Variants in MTDH observed in about 807,000 individuals in gnomAD.
The protein encoded by MTDH is protein LYRIC.
In MTDH, 34 loss-of-function variants were observed where a neutral mutation model predicts 72.7. The ratio of observed to expected loss-of-function variants is 0.47; its 90% CI spans 0.36 to 0.62. MTDH has a LOEUF of 0.62. Ranked by LOEUF, MTDH falls within the 20% of genes least tolerant of loss-of-function variation. MTDH has a pLI of 0.00. For missense variants in MTDH, 677 were observed against 699.4 expected, an observed-to-expected ratio of 0.97 and a Z score of 0.36; for synonymous variants, 266 against 268.9, an observed-to-expected ratio of 0.99 and a Z score of 0.10.
chr8:97,675,411 A>G (rs901874290), intron 2 of MTDH, among the ~76,000 whole-genome samples: 2 of 151,830 alleles, frequency 1.3e-5, no homozygotes, highest in African/African-American at 4.8e-5. Flanking sequence ...AAATACAAAC[A>G]TTAGTTGGGT....
chr8:97,694,328 G>A (rs999749252), intron 6 of MTDH, among the ~76,000 whole-genome samples: 1 of 151,860 alleles, frequency 6.6e-6, no homozygotes, highest in African/African-American at 2.4e-5. Context: ...CTCCTGAGTA[G>A]CCTGGATTAC....
At chr8:97,714,790 A>G (rs1398332348) in intron 9 of MTDH, among the ~76,000 whole-genome samples, 2 of 152,014 alleles carry the variant, frequency 1.3e-5, no homozygotes, top group African/African-American at 4.8e-5. Flanking sequence ...GTTAGCCCAC[A>G]TAGTAATTTT....
At chr8:97,721,464 T>C (rs1008680165) in intron 10 of MTDH, among the ~76,000 whole-genome samples, 5 of 151,852 alleles carry the variant, frequency 3.3e-5, no homozygotes, top group Admixed American at 6.6e-5. Flanking sequence ...CAAATACAAC[T>C]TCAGATACCT....
intron 7 of MTDH, among the ~76,000 whole-genome samples, chr8:97,701,242 A>G (rs1177963789): frequency 1.3e-5 from 2 of 151,932 alleles, no homozygotes; most frequent in East Asian, 1.9e-4. Context: ...TGATTCCAGG[A>G]CCCCCCTCAG....
At chr8:97,658,865 C>T (rs1024603767) in intron 1 of MTDH, among the ~76,000 whole-genome samples, 7 of 152,016 alleles carry the variant, frequency 4.6e-5, no homozygotes, top group Non-Finnish European at 8.8e-5. Context: ...TATTAGAGGC[C>T]GGGTGTGGTG....
In MTDH at chr8:97,644,757, G is replaced by A. The variant is rs374497175; in HGVS notation, c.251G>A (p.Ser84Asn). Residue 84 changes from serine to asparagine, a missense_variant, in exon 1 of 12, where the codon AGC (serine) becomes AAC (asparagine). Coordinates refer to ENST00000336273, the MANE Select transcript of MTDH (RefSeq NM_178812.4). ...ACAGARKKRR[S>N]PPRKREEAAA... Reference sequence around the variant, plus strand: ...GCCGGCGCCCGCAAAAAGCGGAGGAGCCCGCCCCGCAAGCGGGAGGAGGCG... The same window carrying A: ...GCCGGCGCCCGCAAAAAGCGGAGGAACCCGCCCCGCAAGCGGGAGGAGGCG... 2 of 1,565,680 alleles carry A rather than the reference G, an allele frequency of 1.3e-6. No individual in the cohort carries two copies. The highest frequency in any genetic ancestry group is 1.2e-5 in the South Asian group (1 of 86,276).
intron 1 of MTDH, among the ~76,000 whole-genome samples, chr8:97,650,120 C>G (rs1811713668): frequency 6.6e-6 from 1 of 151,294 alleles, no homozygotes; most frequent in Non-Finnish European, 1.5e-5. Context: ...CCATGCCCAG[C>G]TAATTTTTTG....
chr8:97,722,883 T>G lies in MTDH; in HGVS notation c.1526T>G (p.Ile509Ser), dbSNP rs1275873216. 6.2e-7 allele frequency: 1 copy of G among 1,606,280 alleles called. No homozygotes were observed. Among genetic ancestry groups the G allele is most frequent in the Non-Finnish European group, 8.5e-7 (1 of 1,177,814 alleles). The part of the protein sequence containing the change: ...AEVLVKNSQP[I>S]KTLPPATSTE... ...GATGATTTTTTCCTAAAATAGCCTA[T>G]CAAGACTCTTCCACCTGCTACTTCT... The change falls in exon 11 of 12, where the codon ATC (isoleucine) becomes AGC (serine). Residue 509 changes from isoleucine (I) to serine (S), a missense_variant. Ile to Ser is a moderately radical substitution (Grantham distance 142). Coordinates refer to ENST00000336273, the MANE Select transcript of MTDH (RefSeq NM_178812.4).
At chr8:97,647,101 C>G (rs969891355) in intron 1 of MTDH, among the ~76,000 whole-genome samples, 1 of 152,130 alleles carries the variant, frequency 6.6e-6, no homozygotes, top group Non-Finnish European at 1.5e-5. Context: ...ATACCTTTAA[C>G]TGTGCTAAGT....
chr8:97,679,165 C>G (rs1812970665), intron 2 of MTDH, among the ~76,000 whole-genome samples: 2 of 151,992 alleles, frequency 1.3e-5, no homozygotes, highest in African/African-American at 4.8e-5. Context: ...TTCTTATCTA[C>G]AAAATGGATA....
chr8:97,664,349 C>G (rs1042630340), intron 2 of MTDH, among the ~76,000 whole-genome samples: 15 of 150,124 alleles, frequency 1.0e-4, no homozygotes, highest in African/African-American at 3.7e-4. Flanking sequence ...GAATAAGATT[C>G]CATCTCAAAA....
At chr8:97,695,930 C>T (rs1813817000) in intron 6 of MTDH, among the ~76,000 whole-genome samples, 1 of 152,198 alleles carries the variant, frequency 6.6e-6, no homozygotes, top group African/African-American at 2.4e-5. Context: ...TGGGAATTGA[C>T]TTAAGCTGCA....
rs76342001 is a variant in MTDH at position 97,694,606 on chromosome 8, G to A, written c.1048+3418G>A. Among the ~76,000 whole-genome samples the A allele has an allele frequency of 5.7e-3, 870 of 152,172 alleles. 8 individuals are homozygous for A. Among genetic ancestry groups the A allele is most frequent in the African/African-American group, 0.019 (773 of 41,526 alleles). On this transcript the variant is annotated intron_variant, in intron 6 of 11. Transcript: ENST00000336273. ...CCATTATATTGAAAAATTGTGTAGC[G>A]GTATCAAAACTTGTTTGAAAGAGAC...
intron 2 of MTDH, among the ~76,000 whole-genome samples, chr8:97,664,318 T>C (rs1208180719): frequency 6.6e-6 from 1 of 151,680 alleles, no homozygotes; most frequent in African/African-American, 2.4e-5. Flanking sequence ...ATCGTACCAT[T>C]GCACTCCAGC....
At chr8:97,672,463 G>T (rs1812662381) in intron 2 of MTDH, among the ~76,000 whole-genome samples, 1 of 152,120 alleles carries the variant, frequency 6.6e-6, no homozygotes, top group Non-Finnish European at 1.5e-5. Context: ...CCCACCCAAG[G>T]AATTAGTTTT....
chr8:97,687,114 A>ATG (rs1021765822), intron 3 of MTDH, among the ~76,000 whole-genome samples: 2 of 152,164 alleles, frequency 1.3e-5, no homozygotes, highest in Admixed American at 1.3e-4. Flanking sequence ...GTGATTATAT[A>ATG]TAATACTCCT....
chr8:97,645,921 C>G (rs1035558813), intron 1 of MTDH, among the ~76,000 whole-genome samples: 1 of 152,128 alleles, frequency 6.6e-6, no homozygotes, highest in Non-Finnish European at 1.5e-5. Flanking sequence ...ATTCAGTAAG[C>G]CAGTACGAAG....
intron 1 of MTDH, among the ~76,000 whole-genome samples, chr8:97,648,166 T>C (rs1811634030): frequency 6.6e-6 from 1 of 152,170 alleles, no homozygotes; most frequent in Non-Finnish European, 1.5e-5. Context: ...AATAAAACCA[T>C]GCCATAGATC....
At chr8:97,695,208 A>G (rs899581761) in intron 6 of MTDH, among the ~76,000 whole-genome samples, 1 of 150,202 alleles carries the variant, frequency 6.7e-6, no homozygotes, top group Non-Finnish European at 1.5e-5. Flanking sequence ...CCCGGGTCCC[A>G]GTTCAAGCAA....
Sources: gnomAD v4.1 joint callset for allele counts (sites outside exome capture counted in the v4.1 genomes callset) on GRCh38, gnomAD v4.1.1 for gene constraint, MANE v1.5 for transcripts, NCBI Gene and HGNC (gene_info 2026-07-23, HGNC 2026-07-21) for gene names.